Variants in ABCF2 observed in about 807,000 individuals in gnomAD.
ABCF2 encodes the protein ATP binding cassette subfamily F member 2, also known as ATP-binding cassette sub-family F member 2.
ABCF2 carries 37 observed loss-of-function variants against 76.9 expected under a neutral mutation model. The observed-to-expected ratio is 0.48, with a 90% CI of 0.37 to 0.63. The LOEUF (loss-of-function observed/expected upper bound fraction) is 0.63. Among genes scored for constraint, ABCF2 ranks in the 30% least tolerant of loss-of-function variants. The pLI is 0.00. For synonymous variants in ABCF2, 299 were observed against 283.7 expected, an observed-to-expected ratio of 1.05 and a Z score of -0.54; for missense variants, 524 against 782.1, an observed-to-expected ratio of 0.67 and a Z score of 3.94.
chr7:151,214,981 G>A lies in ABCF2; in HGVS notation c.1632C>T (p.Thr544=), dbSNP rs560290756. Residue 544 remains threonine (T), a synonymous_variant, in exon 14 of 15, where the codon ACC becomes ACT. Coordinates refer to ENST00000287844, the MANE Select transcript of ABCF2 (RefSeq NM_007189.3). This position sits in a 1 kb window ranked among gnomAD's most constrained non-coding sequence, Gnocchi z 4.9. ...CGATGGTCTCGATATCCAGGTGATT[G>A]GTGGGTTCATCCAGGAAGAGCATGT... ...NPHMLFLDEP[T]NHLDIETIDA... is the part of the protein sequence containing the mutation. 221 of 1,614,218 alleles carry A rather than the reference G, an allele frequency of 1.4e-4. No individual in the cohort carries two copies. In the South Asian group the frequency reaches 2.3e-3, roughly 17 times the overall value.
In ABCF2 at chr7:151,225,022, T is replaced by TGAGACAGACTCGGC. The variant is rs1227867186; in HGVS notation, c.155-48_155-35dup. 7 of 1,591,750 alleles carry TGAGACAGACTCGGC rather than the reference T, an allele frequency of 4.4e-6. 1 individual carries two copies. In the South Asian group the frequency reaches 7.7e-5, roughly 18 times the overall value. ...AGAAAAGCAGTTTGGGAAGATGGCG[T>TGAGACAGACTCGGC]GAGACAGACTCGGCTCTCCACAAAG... On this transcript the variant is annotated intron_variant, in intron 2 of 14. Coordinates refer to ENST00000287844, the MANE Select transcript of ABCF2 (RefSeq NM_007189.3).
chr7:151,218,550 C>T lies in ABCF2; in HGVS notation c.1227+11G>A. The T allele has an allele frequency of 6.2e-7, 1 of 1,612,574 alleles. No homozygotes were observed. Among genetic ancestry groups the T allele is most frequent in the Non-Finnish European group, 8.5e-7 (1 of 1,178,632 alleles). ...TACACCCCAGCCACCCATGCCCTGCCCTGAACTTACCCCATCTTTTGTATA... is the reference window on the plus strand; with the variant it reads ...TACACCCCAGCCACCCATGCCCTGCTCTGAACTTACCCCATCTTTTGTATA... On this transcript the variant is annotated intron_variant, in intron 10 of 14. Coordinates refer to ENST00000287844, the MANE Select transcript of ABCF2 (RefSeq NM_007189.3).
rs1356146401 is a variant in ABCF2, at chr7:151,215,045, C to T, written c.1568G>A (p.Cys523Tyr). 2 of 1,613,994 alleles carry T rather than the reference C, an allele frequency of 1.2e-6. No homozygotes were observed. Among genetic ancestry groups the T allele is most frequent in the Non-Finnish European group, 1.7e-6 (2 of 1,180,004 alleles). Reference protein sequence around the residue: ...PIRNLSDGQKCRVCLAWLAWQ... With the variant: ...PIRNLSDGQKYRVCLAWLAWQ... Reference sequence around the variant, plus strand: ...GGCCAGCCAGGCCAGACACACTCGGCACTTCTGCCCGTCTGACAAGTTCCG... The same window carrying T: ...GGCCAGCCAGGCCAGACACACTCGGTACTTCTGCCCGTCTGACAAGTTCCG... The change falls in exon 14 of 15, where the codon TGC becomes TAC. Residue 523 changes from cysteine to tyrosine, a missense_variant. Transcript: ENST00000287844. This position sits in a 1 kb window ranked among gnomAD's most constrained non-coding sequence, Gnocchi z 4.6.
intron 10 of ABCF2, 56 bp downstream of exon 10, chr7:151,218,503 TGA>T: frequency 6.9e-7 from 1 of 1,443,786 alleles, no homozygotes; most frequent in Non-Finnish European, 9.7e-7. Context: ...GCAACTCCCA[TGA>T]GCTGCCACTC....
chr7:151,222,744 G>C, intron 5 of ABCF2, 128 bp from the exon 6 acceptor site: 1 of 640,098 alleles, frequency 1.6e-6, no homozygotes, highest in Non-Finnish European at 2.7e-6. Flanking sequence ...TCAATTTTAG[G>C]CTCTATACCT....
Position 151,214,757 on chromosome 7 carries a change from T to A in ABCF2, c.1734+122A>T. On this transcript the variant is annotated intron_variant, in intron 14 of 14. Transcript: ENST00000287844. The surrounding 1 kb of genome is among the most constrained non-coding windows in gnomAD (Gnocchi z 4.9). ...AGAACTGGTCCTCACCACCTGTGTC[T>A]ACACTCTGAGCCCCTTCTCTTAATT... is the stretch of plus-strand genomic sequence containing the variant. The A allele has an allele frequency of 1.1e-6, 1 of 933,936 alleles. No homozygotes were observed. The highest frequency in any genetic ancestry group is 1.6e-6 in the Non-Finnish European group (1 of 608,234). 57.9% of individuals were successfully genotyped at this position (933,936 alleles called of 1,614,324 possible).
chr7:151,224,136 C>T (rs374838615), intron 3 of ABCF2, 22 bp from the exon 4 acceptor site: 27 of 1,613,494 alleles, frequency 1.7e-5, no homozygotes, highest in Middle Eastern at 1.6e-4. Flanking sequence ...GAGCAGCAGA[C>T]GCTTGGTACA....
rs959772766 is a variant in ABCF2, at chr7:151,211,591, G to A, written c.*2463C>T. 6 of 985,140 alleles carry A rather than the reference G, an allele frequency of 6.1e-6. No homozygotes were observed. The African/African-American group carries it at 1.0e-4, about 17-fold the overall frequency. The allele number at this position is 985,140 out of a possible 1,614,324, so 61.0% of individuals were successfully genotyped here. On this transcript the variant is annotated 3_prime_UTR_variant, in exon 15 of 15. Transcript: ENST00000287844. ...GACTAGACTATTTCCATTCCTCCAGGTTCTGAAGATCTCCTGTCCTAGTAT... is the reference window on the plus strand; with the variant it reads ...GACTAGACTATTTCCATTCCTCCAGATTCTGAAGATCTCCTGTCCTAGTAT...
rs1802046682 is a variant in ABCF2 at position 151,211,629 on chromosome 7, G to C, written c.*2425C>G. 1 of 985,298 alleles carries C rather than the reference G, an allele frequency of 1.0e-6. No individual in the cohort carries two copies. The highest frequency in any genetic ancestry group is 4.7e-5 in the South Asian group (1 of 21,288). 61.0% of individuals were successfully genotyped at this position (985,298 alleles called of 1,614,324 possible). ...CCTGTCCTAGTATGGAGACTCTGGA[G>C]ATCCCGAGACTACCTGAATTCTTAG... On this transcript the variant is annotated 3_prime_UTR_variant, in exon 15 of 15. Transcript: ENST00000287844.
Position 151,215,288 on chromosome 7 carries a change from G to A in ABCF2, c.1531-206C>T, listed in dbSNP as rs959381863. Among the ~76,000 whole-genome samples, 1 of 152,072 alleles carries A rather than the reference G, an allele frequency of 6.6e-6. No homozygotes were observed. The highest frequency in any genetic ancestry group is 1.5e-5 in the Non-Finnish European group (1 of 67,994). On this transcript the variant is annotated intron_variant, in intron 13 of 14. Transcript: ENST00000287844. The surrounding 1 kb of genome is among the most constrained non-coding windows in gnomAD (Gnocchi z 4.6). ...TGCCATTACTAAGCCCACACCTCTC[G>A]CTCTCTTGGCAATGAATTGGATCCT... is the stretch of plus-strand genomic sequence containing the variant.
At chr7:151,219,649 A>C (rs1802227036) in intron 7 of ABCF2, among the ~76,000 whole-genome samples, 1 of 152,254 alleles carries the variant, frequency 6.6e-6, no homozygotes, top group South Asian at 2.1e-4. Flanking sequence ...CTCAAGCTAA[A>C]TATCCACCAG....
intron 7 of ABCF2, 48 bp downstream of exon 7, chr7:151,221,530 A>G: frequency 1.8e-6 from 2 of 1,090,796 alleles, no homozygotes; most frequent in South Asian, 1.4e-5. Context: ...AGAATTTCAG[A>G]GAATTGGTAT....
chr7:151,221,833 G>C, intron 6 of ABCF2, 153 bp from the exon 7 acceptor site: 1 of 606,352 alleles, frequency 1.6e-6, no homozygotes. Context: ...GCCACGACTC[G>C]ACAATCTAAC....
intron 1 of ABCF2, chr7:151,226,868 C>T (rs1395667684): frequency 1.9e-5 from 3 of 160,876 alleles, no homozygotes; most frequent in Non-Finnish European, 4.1e-5. Flanking sequence ...TTCCGGGCTT[C>T]CTCCTCCCGT....
intron 7 of ABCF2, among the ~76,000 whole-genome samples, chr7:151,220,613 C>T (rs975138768): frequency 2.6e-5 from 4 of 152,150 alleles, no homozygotes; most frequent in African/African-American, 9.7e-5. Context: ...TATTGAGATC[C>T]TGACCCCCAT....
chr7:151,226,929 A>G (rs2150577624), intron 1 of ABCF2: 1 of 153,924 alleles, frequency 6.5e-6, no homozygotes, highest in South Asian at 1.9e-4. Flanking sequence ...CCGGCCGTCG[A>G]GCCCAGCCTC....
intron 11 of ABCF2, among the ~76,000 whole-genome samples, chr7:151,217,154 G>C (rs1740891615): frequency 6.6e-6 from 1 of 152,026 alleles, no homozygotes; most frequent in Admixed American, 6.5e-5. Flanking sequence ...TTCAAGTTTA[G>C]GATCATGGGC....
rs945146889 is a variant in ABCF2, at chr7:151,213,102, G to A, written c.*952C>T. The A allele has an allele frequency of 3.0e-6, 3 of 985,262 alleles. No homozygotes were observed. Among genetic ancestry groups the A allele is most frequent in the Non-Finnish European group, 3.6e-6 (3 of 829,856 alleles). 61.0% of individuals were successfully genotyped at this position (985,262 alleles called of 1,614,324 possible). A position where few individuals can be genotyped will look rare whatever the true frequency, so the allele number is the denominator to read the frequency against. On this transcript the variant is annotated 3_prime_UTR_variant, in exon 15 of 15. Coordinates refer to ENST00000287844, the MANE Select transcript of ABCF2 (RefSeq NM_007189.3). Reference sequence around the variant, plus strand: ...AGCAGCCCAACTGCTGTGCAGTTGGGGCAGAACCTCAGATCACAATCAGAA... The same window carrying A: ...AGCAGCCCAACTGCTGTGCAGTTGGAGCAGAACCTCAGATCACAATCAGAA...
intron 7 of ABCF2, 148 bp downstream of exon 7, chr7:151,221,430 G>A (rs1195504655): frequency 1.9e-6 from 1 of 533,572 alleles, no homozygotes; most frequent in Admixed American, 2.8e-5. Flanking sequence ...TCAAACTCCT[G>A]ACCTCAAGTG....
Sources: gnomAD v4.1 joint callset for allele counts (sites outside exome capture counted in the v4.1 genomes callset) on GRCh38, gnomAD v4.1.1 for gene constraint, Gnocchi (gnomAD v3.1) non-coding constraint, MANE v1.5 for transcripts, NCBI Gene and HGNC (gene_info 2026-07-23, HGNC 2026-07-21) for gene names.